The following GRM8 variants were observed in gnomAD, a reference collection of about 807,000 sequenced individuals.
The protein encoded by GRM8 is glutamate metabotropic receptor 8.
A neutral mutation model predicts 87.2 loss-of-function variants in GRM8; 47 were observed. The ratio of observed to expected loss-of-function variants is 0.54; its 90% CI spans 0.43 to 0.69. The LOEUF (loss-of-function observed/expected upper bound fraction) is 0.69, where lower values mean the gene tolerates loss of function less well. Among genes scored for constraint, GRM8 ranks in the 30% least tolerant of loss-of-function variants. The pLI is 0.00. For synonymous variants in GRM8, 396 were observed against 404.5 expected, an observed-to-expected ratio of 0.98 and a Z score of 0.25; for missense variants, 1,019 against 1,139.2, an observed-to-expected ratio of 0.89 and a Z score of 1.52.
chr7:126,749,688 G>C (rs1816176563), intron 7 of GRM8, among the ~76,000 whole-genome samples: 1 of 151,896 alleles, frequency 6.6e-6, no homozygotes, highest in South Asian at 2.1e-4. Flanking sequence ...GAAGATACTT[G>C]ATCAGAGAAG....
chr7:126,833,435 A>G (rs1475873107), intron 6 of GRM8, among the ~76,000 whole-genome samples: 1 of 152,212 alleles, frequency 6.6e-6, no homozygotes, highest in Non-Finnish European at 1.5e-5. Context: ...AGTCTGCTAT[A>G]CCAAAATGCC....
At chr7:126,842,074 A>G (rs1382232548) in intron 6 of GRM8, among the ~76,000 whole-genome samples, 1 of 152,244 alleles carries the variant, frequency 6.6e-6, no homozygotes, top group Non-Finnish European at 1.5e-5. Context: ...TTTGCCAGAG[A>G]AAGAACACAA....
intron 2 of GRM8, among the ~76,000 whole-genome samples, chr7:127,234,272 A>T (rs1401673487): frequency 6.6e-6 from 1 of 152,238 alleles, no homozygotes. Context: ...TTCTTAAATC[A>T]GTCTGCTCTA....
At chr7:127,134,451 G>C (rs1827848319) in intron 2 of GRM8, among the ~76,000 whole-genome samples, 1 of 152,068 alleles carries the variant, frequency 6.6e-6, no homozygotes, top group Admixed American at 6.5e-5. Flanking sequence ...ATTCCAATGG[G>C]CCTGATTTAC....
intron 9 of GRM8, among the ~76,000 whole-genome samples, chr7:126,498,812 T>C (rs1404549236): frequency 1.3e-5 from 2 of 151,994 alleles, no homozygotes; most frequent in African/African-American, 4.8e-5. Flanking sequence ...GGACTTTCAT[T>C]ATGTGAAATT....
intron 2 of GRM8, among the ~76,000 whole-genome samples, chr7:127,130,666 G>A (rs1013656318): frequency 6.6e-6 from 1 of 152,182 alleles, no homozygotes; most frequent in African/African-American, 2.4e-5. Flanking sequence ...TTTGGGAGGA[G>A]CCAGGGGTGG....
intron 3 of GRM8, among the ~76,000 whole-genome samples, chr7:127,032,573 C>T (rs1817481081): frequency 6.6e-6 from 1 of 152,162 alleles, no homozygotes; most frequent in Non-Finnish European, 1.5e-5. Context: ...GGTTCATTTA[C>T]TGTCTCAATT....
At chr7:127,010,668 C>T (rs755481782) in intron 3 of GRM8, among the ~76,000 whole-genome samples, 3 of 152,080 alleles carry the variant, frequency 2.0e-5, no homozygotes, top group East Asian at 1.9e-4. Flanking sequence ...TCACTCAGTA[C>T]AATATAAACT....
intron 7 of GRM8, among the ~76,000 whole-genome samples, chr7:126,723,227 G>T (rs1812620128): frequency 6.6e-6 from 1 of 151,742 alleles, no homozygotes. Context: ...AACATGATGT[G>T]AAGAGGTATA....
chr7:126,577,277 GA>G (rs1411491045), intron 8 of GRM8, among the ~76,000 whole-genome samples: 1 of 152,134 alleles, frequency 6.6e-6, no homozygotes, highest in Non-Finnish European at 1.5e-5. Flanking sequence ...AGATAAAGTT[GA>G]AAAGCCAATT....
At chr7:127,246,465 T>G (rs1587369466) in intron 1 of GRM8, among the ~76,000 whole-genome samples, 1 of 152,200 alleles carries the variant, frequency 6.6e-6, no homozygotes, top group Non-Finnish European at 1.5e-5. Flanking sequence ...TCTGGACTCC[T>G]GAAACCAATC....
intron 6 of GRM8, among the ~76,000 whole-genome samples, chr7:126,820,255 C>G (rs181426957): frequency 6.6e-6 from 1 of 152,244 alleles, no homozygotes; most frequent in East Asian, 1.9e-4. Context: ...ATAAACTGTT[C>G]TTACAAATTC....
intron 7 of GRM8, among the ~76,000 whole-genome samples, chr7:126,610,417 C>CTTGGTG (rs1798805592): frequency 1.3e-5 from 2 of 152,054 alleles, no homozygotes; most frequent in South Asian, 4.1e-4. Context: ...AATCCCTTTT[C>CTTGGTG]TTGGTGTCTG....
intron 3 of GRM8, among the ~76,000 whole-genome samples, chr7:126,933,621 G>A (rs1805987228): frequency 6.6e-6 from 1 of 152,206 alleles, no homozygotes; most frequent in Admixed American, 6.5e-5. Context: ...GAAGTCAAGG[G>A]CTCTGTGCTG....
intron 9 of GRM8, among the ~76,000 whole-genome samples, chr7:126,466,116 T>G (rs1207002649): frequency 1.3e-5 from 2 of 151,964 alleles, no homozygotes; most frequent in African/African-American, 2.4e-5. Flanking sequence ...GTGTCTTTTA[T>G]TAAAATCTTG....
intron 6 of GRM8, among the ~76,000 whole-genome samples, chr7:126,825,824 C>T (rs1794719817): frequency 6.6e-6 from 1 of 151,782 alleles, no homozygotes; most frequent in Non-Finnish European, 1.5e-5. Flanking sequence ...CACCCATTAA[C>T]TCGTCATTTA....
At chr7:126,588,069 T>G (rs553088842) in intron 8 of GRM8, among the ~76,000 whole-genome samples, 1 of 152,298 alleles carries the variant, frequency 6.6e-6, no homozygotes, top group South Asian at 2.1e-4. Flanking sequence ...TGTAATGGCT[T>G]CATCTAGAAC....
intron 2 of GRM8, among the ~76,000 whole-genome samples, chr7:127,194,169 C>G (rs895873506): frequency 6.6e-5 from 10 of 152,148 alleles, no homozygotes; most frequent in Admixed American, 5.2e-4. Context: ...TCAGCATCCT[C>G]GAGTATACAA....
chr7:126,571,699 C>T (rs931160819), intron 8 of GRM8, among the ~76,000 whole-genome samples: 6 of 151,688 alleles, frequency 4.0e-5, no homozygotes, highest in Admixed American at 6.6e-5. Flanking sequence ...ACAAGTCAAT[C>T]GTTTTTCATA....
Sources: allele counts gnomAD v4.1 joint callset (sites outside exome capture counted in the v4.1 genomes callset), GRCh38; gene constraint gnomAD v4.1.1; transcripts MANE v1.5; gene names NCBI Gene and HGNC (gene_info 2026-07-23, HGNC 2026-07-21).